CPED1: variants seen among roughly 807,000 people sequenced by gnomAD.
CPED1 encodes cadherin like and PC-esterase domain containing 1.
A neutral mutation model predicts 128.2 loss-of-function variants in CPED1; 114 were observed. The ratio of observed to expected loss-of-function variants is 0.89; its 90% CI spans 0.76 to 1.04. The LOEUF is 1.04. Ranked by LOEUF, CPED1 falls within the 50% of genes least tolerant of loss-of-function variation. CPED1 has a pLI of 0.00. For missense variants in CPED1, 1,211 were observed against 1,207.1 expected (o/e 1.00, Z -0.05); for synonymous variants, 462 against 426.7 (o/e 1.08, Z -1.02).
At chr7:121,023,355 G>C (rs748501934) in intron 3 of CPED1, among the ~76,000 whole-genome samples, 15 of 152,118 alleles carry the variant, frequency 9.9e-5, no homozygotes, top group Non-Finnish European at 1.9e-4. Context: ...GTTTATGGAA[G>C]GACATTTTAT....
chr7:121,000,356 C>T (rs41701), intron 2 of CPED1, among the ~76,000 whole-genome samples: 117,045 of 152,024 alleles, frequency 0.77, 45,360 homozygotes, highest in African/African-American at 0.82. Context: ...TTTTGACTTA[C>T]CACATATGGA....
intron 16 of CPED1, among the ~76,000 whole-genome samples, chr7:121,218,098 C>A (rs1305579054): frequency 1.3e-5 from 2 of 151,490 alleles, no homozygotes; most frequent in African/African-American, 4.9e-5. Context: ...GATTCTCCTG[C>A]CTCAGACTCC....
chr7:121,012,314 A>G (rs978578083), intron 2 of CPED1, among the ~76,000 whole-genome samples: 2 of 152,210 alleles, frequency 1.3e-5, no homozygotes, highest in African/African-American at 4.8e-5. Flanking sequence ...GGGATTTCTA[A>G]GGAAATATTT....
intron 16 of CPED1, among the ~76,000 whole-genome samples, chr7:121,196,799 T>A (rs1284895681): frequency 1.3e-5 from 2 of 151,986 alleles, no homozygotes; most frequent in African/African-American, 4.8e-5. Flanking sequence ...CACACTAAAG[T>A]TTCTTTTTTT....
intron 18 of CPED1, chr7:121,261,649 G>T (rs776884302): frequency 1.2e-6 from 2 of 1,611,172 alleles, no homozygotes; most frequent in African/African-American, 1.3e-5. Flanking sequence ...TCGATGTCCA[G>T]AGAGTTCCTA....
intron 18 of CPED1, among the ~76,000 whole-genome samples, chr7:121,245,521 G>T (rs747461185): frequency 2.2e-4 from 33 of 152,018 alleles, no homozygotes; most frequent in Non-Finnish European, 4.3e-4. Context: ...AATTTTTGAC[G>T]CAGAATAGTA....
At chr7:121,107,788 G>C (rs1795014391) in intron 7 of CPED1, among the ~76,000 whole-genome samples, 1 of 152,008 alleles carries the variant, frequency 6.6e-6, no homozygotes, top group Non-Finnish European at 1.5e-5. Context: ...TCATTTTTGA[G>C]ATTTTTATTA....
intron 21 of CPED1, 85 bp from the exon 22 acceptor site, chr7:121,271,199 C>T (rs1469822921): frequency 8.3e-6 from 9 of 1,089,762 alleles, no homozygotes; most frequent in Non-Finnish European, 1.2e-5. Context: ...GTAAAAAAGA[C>T]ATTTACATAA....
intron 3 of CPED1, among the ~76,000 whole-genome samples, chr7:121,036,604 TG>T (rs1792900435): frequency 1.3e-5 from 2 of 151,810 alleles, no homozygotes; most frequent in Admixed American, 1.3e-4. Flanking sequence ...TAAACATGCT[TG>T]TGTAAGTATC....
chr7:121,050,832 A>G (rs1352917418), intron 4 of CPED1: 1 of 464,644 alleles, frequency 2.2e-6, no homozygotes, highest in Non-Finnish European at 4.3e-6. Flanking sequence ...GGCAGCGGCC[A>G]GGCAGCCCAG....
At chr7:121,148,526 T>C (rs1796078542) in intron 16 of CPED1, among the ~76,000 whole-genome samples, 1 of 152,174 alleles carries the variant, frequency 6.6e-6, no homozygotes, top group South Asian at 2.1e-4. Context: ...ATGAAATAGA[T>C]CATTAGTAAA....
intron 16 of CPED1, among the ~76,000 whole-genome samples, chr7:121,224,909 G>A (rs1392390220): frequency 6.6e-6 from 1 of 151,176 alleles, no homozygotes; most frequent in African/African-American, 2.4e-5. Context: ...CACACTGATG[G>A]GTCTTGACTC....
intron 16 of CPED1, among the ~76,000 whole-genome samples, chr7:121,173,468 A>C (rs1428270642): frequency 6.6e-6 from 1 of 152,082 alleles, no homozygotes; most frequent in Non-Finnish European, 1.5e-5. Flanking sequence ...ATGAGTTCTC[A>C]TCATTTAGCT....
intron 4 of CPED1, among the ~76,000 whole-genome samples, chr7:121,058,711 T>C (rs1368986912): frequency 1.3e-5 from 2 of 152,238 alleles, no homozygotes; most frequent in East Asian, 3.8e-4. Context: ...CCTAACCTAA[T>C]GAGTATTCTT....
chr7:121,080,210 T>A (rs1794249129), intron 5 of CPED1, among the ~76,000 whole-genome samples: 1 of 151,792 alleles, frequency 6.6e-6, no homozygotes, highest in South Asian at 2.1e-4. Context: ...AGTCTATTAA[T>A]CAATAGTTTA....
intron 2 of CPED1, among the ~76,000 whole-genome samples, chr7:120,999,883 A>C (rs186550262): frequency 1.6e-4 from 24 of 152,184 alleles, no homozygotes; most frequent in African/African-American, 5.8e-4. Flanking sequence ...ATGAAGCTCA[A>C]ATTTCAACAA....
At chr7:121,150,958 G>T (rs909026631) in intron 16 of CPED1, among the ~76,000 whole-genome samples, 10 of 151,994 alleles carry the variant, frequency 6.6e-5, no homozygotes, top group Middle Eastern at 3.2e-3. Context: ...TAGTAGAGCT[G>T]GGATTCGCCA....
At chr7:121,293,215 C>T (rs916460081) in intron 22 of CPED1, among the ~76,000 whole-genome samples, 21 of 152,148 alleles carry the variant, frequency 1.4e-4, no homozygotes, top group African/African-American at 4.6e-4. Context: ...AGAGATGCCC[C>T]GCCCAGAGAG....
intron 5 of CPED1, among the ~76,000 whole-genome samples, chr7:121,079,265 G>A (rs935927557): frequency 2.0e-5 from 3 of 152,166 alleles, no homozygotes; most frequent in African/African-American, 4.8e-5. Flanking sequence ...ATGGAAACGA[G>A]AGAACAGATC....
Sources: gnomAD v4.1 joint callset for allele counts (sites outside exome capture counted in the v4.1 genomes callset) on GRCh38, gnomAD v4.1.1 for gene constraint, MANE v1.5 for transcripts, NCBI Gene and HGNC (gene_info 2026-07-23, HGNC 2026-07-21) for gene names.